KHDRBS3: variants seen among roughly 807,000 people sequenced by gnomAD.
KHDRBS3 encodes the protein KH domain-containing, RNA-binding, signal transduction-associated protein 3.
In KHDRBS3, 23 loss-of-function variants were observed where a neutral mutation model predicts 45.6. The ratio of observed to expected loss-of-function variants is 0.50; its 90% CI spans 0.36 to 0.72. KHDRBS3 has a LOEUF of 0.72. Ranked by LOEUF, KHDRBS3 falls within the 30% of genes least tolerant of loss-of-function variation. The pLI is 0.00. For synonymous variants in KHDRBS3, 162 were observed against 156.5 expected, an observed-to-expected ratio of 1.04 and a Z score of -0.26; for missense variants, 352 against 424.8, an observed-to-expected ratio of 0.83 and a Z score of 1.51.
At position 135,542,801 on chromosome 8, in the gene KHDRBS3, G is replaced by A. The variant is rs188062742; in HGVS notation, c.324+31G>A. On this transcript the variant is annotated intron_variant, in intron 3 of 8. Coordinates refer to ENST00000355849, the MANE Select transcript of KHDRBS3 (RefSeq NM_006558.3). ...ATTAATTATAGAAAACGGCTAAGTTGTGTATCATGTTATATTATGTGCTCT... is the reference window on the plus strand; with the variant it reads ...ATTAATTATAGAAAACGGCTAAGTTATGTATCATGTTATATTATGTGCTCT... 12 of 1,363,784 alleles carry A rather than the reference G, an allele frequency of 8.8e-6. No individual in the cohort carries two copies. In the African/African-American group the frequency reaches 1.1e-4, roughly 13 times the overall value. 84.5% of individuals were successfully genotyped at this position (1,363,784 alleles called of 1,614,324 possible).
intron 2 of KHDRBS3, chr8:135,538,739 C>T (rs1825899360): frequency 6.6e-6 from 1 of 152,128 alleles, no homozygotes; most frequent in African/African-American, 2.4e-5. Context: ...CTTCAGAACC[C>T]ATAGCAAGTG....
At chr8:135,527,556 A>T in intron 2 of KHDRBS3, among the ~76,000 whole-genome samples, 1 of 152,246 alleles carries the variant, frequency 6.6e-6, no homozygotes, top group East Asian at 1.9e-4. Flanking sequence ...AGAGAATGAC[A>T]TTTGAACTGT....
intron 2 of KHDRBS3, among the ~76,000 whole-genome samples, chr8:135,538,312 C>A (rs1207633376): frequency 1.3e-5 from 2 of 152,092 alleles, no homozygotes; most frequent in Non-Finnish European, 2.9e-5. Flanking sequence ...GGACATATGT[C>A]TTTTTCTGAT....
At chr8:135,485,469 G>C (rs1431114801) in intron 1 of KHDRBS3, among the ~76,000 whole-genome samples, 1 of 152,158 alleles carries the variant, frequency 6.6e-6, no homozygotes, top group Non-Finnish European at 1.5e-5. Context: ...TATGGCATGA[G>C]TGAGGGGAAC....
In KHDRBS3 at chr8:135,551,165, G is replaced by A. The variant is rs1003880709; in HGVS notation, c.471+2265G>A. Among the ~76,000 whole-genome samples, 25 of 152,114 alleles carry A rather than the reference G, an allele frequency of 1.6e-4. No individual in the cohort carries two copies. The East Asian group carries it at 4.8e-3, about 29-fold the overall frequency. On this transcript the variant is annotated intron_variant, in intron 4 of 8. Coordinates refer to ENST00000355849, the MANE Select transcript of KHDRBS3 (RefSeq NM_006558.3). Reference sequence around the variant, plus strand: ...ATGATTAAGTGGAATCCTAATTAGTGGAATACAGGAGCATGTCATCTGTGA... The same window carrying A: ...ATGATTAAGTGGAATCCTAATTAGTAGAATACAGGAGCATGTCATCTGTGA...
At chr8:135,485,170 A>G (rs890394150) in intron 1 of KHDRBS3, among the ~76,000 whole-genome samples, 2 of 143,528 alleles carry the variant, frequency 1.4e-5, no homozygotes, top group African/African-American at 2.7e-5. Flanking sequence ...TCCCCACTAC[A>G]ATATCAACTC....
At chr8:135,524,337 G>T (rs1825068533) in intron 2 of KHDRBS3, among the ~76,000 whole-genome samples, 1 of 152,112 alleles carries the variant, frequency 6.6e-6, no homozygotes, top group Non-Finnish European at 1.5e-5. Flanking sequence ...ATTTTTGTCA[G>T]ATTTTAATGT....
intron 1 of KHDRBS3, among the ~76,000 whole-genome samples, chr8:135,509,447 A>G (rs1824166088): frequency 6.6e-6 from 1 of 152,230 alleles, no homozygotes; most frequent in Non-Finnish European, 1.5e-5. Flanking sequence ...AGTCTAGAAT[A>G]TGATAATTAT....
chr8:135,467,147 A>G (rs1288416691), intron 1 of KHDRBS3, among the ~76,000 whole-genome samples: 2 of 152,240 alleles, frequency 1.3e-5, no homozygotes, highest in Admixed American at 1.3e-4. Context: ...TAAAAATTAA[A>G]CAAGATTAAA....
intron 1 of KHDRBS3, among the ~76,000 whole-genome samples, chr8:135,482,872 G>A (rs1822655566): frequency 6.6e-6 from 1 of 152,136 alleles, no homozygotes; most frequent in Admixed American, 6.5e-5. Context: ...TGAAGTATTT[G>A]TGAAGCACCT....
chr8:135,495,759 CCA>C (rs1823405908), intron 1 of KHDRBS3, among the ~76,000 whole-genome samples: 1 of 152,042 alleles, frequency 6.6e-6, no homozygotes, highest in Non-Finnish European at 1.5e-5. Context: ...GGTCTATGGG[CCA>C]TCACTGGATG....
chr8:135,486,532 TAGAG>T (rs754107529), intron 1 of KHDRBS3, among the ~76,000 whole-genome samples: 40 of 152,270 alleles, frequency 2.6e-4, no homozygotes, highest in Middle Eastern at 3.4e-3. Flanking sequence ...GACTGAGACT[TAGAG>T]AGGTTAAATA....
chr8:135,548,633 C>A, intron 3 of KHDRBS3, 121 bp from the exon 4 acceptor site: 1 of 762,714 alleles, frequency 1.3e-6, no homozygotes, highest in Non-Finnish European at 1.9e-6. Flanking sequence ...TCTACTGTGA[C>A]AACCGCTTGC....
chr8:135,654,936 C>G (rs1329566835), intron 4 of KHDRBS3, among the ~76,000 whole-genome samples: 1 of 152,230 alleles, frequency 6.6e-6, no homozygotes, highest in Non-Finnish European at 1.5e-5. Flanking sequence ...GCCTTCTCTT[C>G]TCTCCGCATG....
At chr8:135,507,408 C>T (rs1031442735) in intron 1 of KHDRBS3, among the ~76,000 whole-genome samples, 1 of 152,072 alleles carries the variant, frequency 6.6e-6, no homozygotes. Context: ...TATATTCAGC[C>T]CTAAAGTAGA....
intron 7 of KHDRBS3, among the ~76,000 whole-genome samples, chr8:135,623,757 C>G (rs1830247985): frequency 1.3e-5 from 2 of 152,176 alleles, no homozygotes; most frequent in Admixed American, 6.5e-5. Flanking sequence ...TAGTTACTCA[C>G]AGTTTTTGGC....
intron 3 of KHDRBS3, among the ~76,000 whole-genome samples, chr8:135,544,499 A>G (rs1826192839): frequency 1.3e-5 from 2 of 152,112 alleles, no homozygotes; most frequent in Admixed American, 1.3e-4. Context: ...TATTGGACAC[A>G]CAGCATGTCA....
Position 135,475,436 on chromosome 8 carries a change from T to C in KHDRBS3, c.88+17482T>C, listed in dbSNP as rs138425355. Among the ~76,000 whole-genome samples the C allele has an allele frequency of 2.7e-3, 411 of 152,006 alleles. 2 individuals carry two copies. Among genetic ancestry groups the C allele is most frequent in the Middle Eastern group, 0.017 (5 of 294 alleles). ...AAGCAATTCTCCTGCCTCAGCCTCC[T>C]GAGTAACTGAGATTACAAGAGCCCA... On this transcript the variant is annotated intron_variant, in intron 1 of 8. Transcript: ENST00000355849.
chr8:135,506,290 T>A (rs889819532), intron 1 of KHDRBS3, among the ~76,000 whole-genome samples: 4 of 152,128 alleles, frequency 2.6e-5, no homozygotes. Flanking sequence ...GTTTTACCTG[T>A]CAAGCTAGTC....
Sources: gnomAD v4.1 joint callset for allele counts (sites outside exome capture counted in the v4.1 genomes callset) on GRCh38, gnomAD v4.1.1 for gene constraint, MANE v1.5 for transcripts, NCBI Gene and HGNC (gene_info 2026-07-23, HGNC 2026-07-21) for gene names.